OSBPL8: variants seen among roughly 807,000 people sequenced by gnomAD.
OSBPL8 encodes the protein oxysterol-binding protein-related protein 8.
A neutral mutation model predicts 125.5 loss-of-function variants in OSBPL8; 59 were observed. The observed-to-expected ratio is 0.47, with a 90% CI of 0.38 to 0.58. The LOEUF (loss-of-function observed/expected upper bound fraction) is 0.58, where lower values mean the gene tolerates loss of function less well. OSBPL8 is among the 20% of genes least tolerant of loss of function. The probability of loss-of-function intolerance (pLI) is 0.00; values close to 1 mark genes in which losing one functional copy is unlikely to be tolerated. For synonymous variants in OSBPL8, 330 were observed against 338.9 expected, an observed-to-expected ratio of 0.97 and a Z score of 0.29; for missense variants, 758 against 1,047.8, an observed-to-expected ratio of 0.72 and a Z score of 3.82.
intron 21 of OSBPL8, among the ~76,000 whole-genome samples, chr12:76,364,606 A>C (rs1952339818): frequency 6.6e-6 from 1 of 152,192 alleles, no homozygotes; most frequent in Non-Finnish European, 1.5e-5. Context: ...CTATGTAACA[A>C]ACCTGCACAT....
At chr12:76,360,201 T>A in intron 21 of OSBPL8, among the ~76,000 whole-genome samples, 1 of 152,170 alleles carries the variant, frequency 6.6e-6, no homozygotes, top group East Asian at 1.9e-4. Context: ...ATTGGGTAAA[T>A]ACAACTGTTC....
chr12:76,453,535 A>G (rs1257429894), intron 3 of OSBPL8, among the ~76,000 whole-genome samples: 3 of 152,202 alleles, frequency 2.0e-5, no homozygotes, highest in Non-Finnish European at 4.4e-5. Context: ...CAATATTGGA[A>G]AAGTAGAGAG....
intron 1 of OSBPL8, among the ~76,000 whole-genome samples, chr12:76,510,168 T>C (rs948980940): frequency 3.9e-5 from 6 of 152,202 alleles, no homozygotes; most frequent in African/African-American, 1.4e-4. Flanking sequence ...CCAAATACTT[T>C]TCATATCTCC....
At chr12:76,411,934 G>C (rs1316457473) in intron 4 of OSBPL8, among the ~76,000 whole-genome samples, 1 of 152,092 alleles carries the variant, frequency 6.6e-6, no homozygotes, top group Non-Finnish European at 1.5e-5. Context: ...AGAACATAGA[G>C]TGGCATAACA....
intron 12 of OSBPL8, among the ~76,000 whole-genome samples, chr12:76,387,224 C>T (rs925857877): frequency 8.5e-5 from 13 of 152,170 alleles, no homozygotes; most frequent in African/African-American, 3.1e-4. Flanking sequence ...CATAGGTTGA[C>T]GATAGCCTCT....
intron 4 of OSBPL8, among the ~76,000 whole-genome samples, chr12:76,421,123 G>A (rs1348618947): frequency 6.6e-6 from 1 of 151,858 alleles, no homozygotes; most frequent in Non-Finnish European, 1.5e-5. Context: ...GTGGACTTGT[G>A]GCATGAAGGT....
chr12:76,426,787 T>G (rs1228240246), intron 4 of OSBPL8, among the ~76,000 whole-genome samples: 1 of 152,174 alleles, frequency 6.6e-6, no homozygotes, highest in Non-Finnish European at 1.5e-5. Context: ...AAACATTTCA[T>G]TGTAAGCTAT....
At chr12:76,364,738 T>TTA (rs1435920044) in intron 21 of OSBPL8, among the ~76,000 whole-genome samples, 1 of 152,224 alleles carries the variant, frequency 6.6e-6, no homozygotes, top group African/African-American at 2.4e-5. Context: ...ATGCCTGTTC[T>TTA]TACATAAGTA....
intron 1 of OSBPL8, among the ~76,000 whole-genome samples, chr12:76,510,668 T>C (rs1432547853): frequency 1.3e-5 from 2 of 152,000 alleles, no homozygotes; most frequent in Admixed American, 1.3e-4. Flanking sequence ...TCACCTGAGG[T>C]TGGGAGTTCG....
At chr12:76,382,216 C>A (rs1296041471) in intron 15 of OSBPL8, among the ~76,000 whole-genome samples, 1 of 152,166 alleles carries the variant, frequency 6.6e-6, no homozygotes, top group African/African-American at 2.4e-5. Flanking sequence ...TCTGTCCCCT[C>A]TGATTTTTGT....
chr12:76,558,162 G>T (rs1196879038), intron 1 of OSBPL8, among the ~76,000 whole-genome samples: 2 of 151,982 alleles, frequency 1.3e-5, no homozygotes, highest in Non-Finnish European at 2.9e-5. Flanking sequence ...TTTGAAATTA[G>T]TTGTACTTTT....
At chr12:76,508,507 A>T (rs1880652821) in intron 1 of OSBPL8, among the ~76,000 whole-genome samples, 1 of 152,190 alleles carries the variant, frequency 6.6e-6, no homozygotes, top group Admixed American at 6.5e-5. Flanking sequence ...TGGGTAAAAT[A>T]AGGCTGAGGC....
intron 2 of OSBPL8, among the ~76,000 whole-genome samples, chr12:76,487,021 A>ATTTTTTTTTT: frequency 9.8e-6 from 1 of 101,896 alleles, no homozygotes; most frequent in African/African-American, 3.9e-5. Flanking sequence ...TGCAATTTTC[A>ATTTTTTTTTT]TTTTTTTTTT....
At chr12:76,508,039 C>A (rs1427129071) in intron 1 of OSBPL8, among the ~76,000 whole-genome samples, 1 of 151,666 alleles carries the variant, frequency 6.6e-6, no homozygotes, top group Admixed American at 6.6e-5. Flanking sequence ...GGCATGGTGG[C>A]AGGTGCCTGT....
At chr12:76,446,119 A>G (rs1175067778) in intron 4 of OSBPL8, among the ~76,000 whole-genome samples, 2 of 152,186 alleles carry the variant, frequency 1.3e-5, no homozygotes, top group Non-Finnish European at 2.9e-5. Context: ...CCATGAGCTA[A>G]GGCATATAAA....
At chr12:76,507,593 G>A (rs1024287964) in intron 1 of OSBPL8, among the ~76,000 whole-genome samples, 3 of 151,672 alleles carry the variant, frequency 2.0e-5, no homozygotes, top group African/African-American at 7.3e-5. Flanking sequence ...GCCTAGGCAG[G>A]TGGATCACCT....
At chr12:76,395,150 T>C (rs376083748) in intron 8 of OSBPL8, among the ~76,000 whole-genome samples, 1 of 152,148 alleles carries the variant, frequency 6.6e-6, no homozygotes, top group East Asian at 1.9e-4. Context: ...TAACTGGGTC[T>C]AGGGAAAAAT....
At chr12:76,541,275 T>C (rs1950638075) in intron 1 of OSBPL8, among the ~76,000 whole-genome samples, 2 of 152,036 alleles carry the variant, frequency 1.3e-5, no homozygotes, top group Admixed American at 1.3e-4. Flanking sequence ...GGCCAGCAGT[T>C]TGAGACCAGC....
intron 4 of OSBPL8, chr12:76,422,535 T>C (rs750390827): frequency 2.2e-5 from 10 of 456,548 alleles, no homozygotes; most frequent in South Asian, 1.4e-4. Context: ...GAAAGTTCAT[T>C]GTATCCTCCA....
Sources: gnomAD v4.1 joint callset for allele counts (sites outside exome capture counted in the v4.1 genomes callset) on GRCh38, gnomAD v4.1.1 for gene constraint, MANE v1.5 for transcripts, NCBI Gene and HGNC (gene_info 2026-07-23, HGNC 2026-07-21) for gene names.